The following KIAA1549 variants were observed in gnomAD, a reference collection of about 807,000 sequenced individuals.
KIAA1549 encodes the protein KIAA1549, also known as UPF0606 protein KIAA1549.
In KIAA1549, 70 loss-of-function variants were observed where a neutral mutation model predicts 156.4. The observed-to-expected ratio is 0.45, with a 90% CI of 0.37 to 0.55. The LOEUF (loss-of-function observed/expected upper bound fraction) is 0.55, where lower values mean the gene tolerates loss of function less well. Ranked by LOEUF, KIAA1549 falls within the 20% of genes least tolerant of loss-of-function variation. The pLI, the probability that KIAA1549 is intolerant of heterozygous loss-of-function variation, is 0.00. For missense variants in KIAA1549, 2,428 were observed against 2,540.9 expected (o/e 0.96, Z 0.96); for synonymous variants, 1,103 against 1,066.4 (o/e 1.03, Z -0.67).
At chr7:138,855,643 C>A (rs1253826499) in intron 16 of KIAA1549, among the ~76,000 whole-genome samples, 1 of 152,180 alleles carries the variant, frequency 6.6e-6, no homozygotes, top group Non-Finnish European at 1.5e-5. Context: ...TTCATCAATC[C>A]CAATGCATAT....
In KIAA1549 at chr7:138,949,964, G is replaced by A. The variant is rs986220281; in HGVS notation, c.188-30526C>T. Among the ~76,000 whole-genome samples the A allele has an allele frequency of 6.6e-5, 10 of 152,202 alleles. 1 individual carries two copies. Among genetic ancestry groups the A allele is most frequent in the Non-Finnish European group, 2.9e-5 (2 of 68,040 alleles). The stretch of plus-strand genomic sequence containing the variant: ...TCGGTGCCAAATTTTCAAGAAGATG[G>A]CTGAGGCCACCTTATTTCAGATCTG... On this transcript the variant is annotated intron_variant, in intron 1 of 19. Transcript: ENST00000422774.
chr7:138,949,502 T>A (rs570639526), intron 1 of KIAA1549, among the ~76,000 whole-genome samples: 2 of 152,286 alleles, frequency 1.3e-5, no homozygotes, highest in Non-Finnish European at 2.9e-5. Context: ...CATGCCCAAC[T>A]GTGGAGACCG....
chr7:138,835,497 T>C lies in KIAA1549; in HGVS notation c.*2409A>G, dbSNP rs957493025. On this transcript the variant is annotated 3_prime_UTR_variant, in exon 20 of 20. Coordinates refer to ENST00000422774, the MANE Select transcript of KIAA1549 (RefSeq NM_001164665.2). ...CAGCCCAATTTGAAACAGAACCCTCTTTCTGCAATGCTCAAAGGAGGTTAC... is the reference window on the plus strand; with the variant it reads ...CAGCCCAATTTGAAACAGAACCCTCCTTCTGCAATGCTCAAAGGAGGTTAC... 4.5e-6 allele frequency: 1 copy of C among 221,470 alleles called. No homozygotes were observed. Among genetic ancestry groups the C allele is most frequent in the African/African-American group, 2.2e-5 (1 of 44,654 alleles). 13.7% of individuals were successfully genotyped at this position (221,470 alleles called of 1,614,324 possible).
chr7:138,937,266 C>T (rs891236635), intron 1 of KIAA1549, among the ~76,000 whole-genome samples: 2 of 152,162 alleles, frequency 1.3e-5, no homozygotes, highest in African/African-American at 4.8e-5. Context: ...TCTCTCTTGA[C>T]ACTTAGGTTG....
chr7:138,943,817 C>T (rs1813262840), intron 1 of KIAA1549, among the ~76,000 whole-genome samples: 2 of 151,824 alleles, frequency 1.3e-5, no homozygotes, highest in African/African-American at 2.4e-5. Context: ...CCACTGCACT[C>T]CAGCCTGGGC....
intron 12 of KIAA1549, among the ~76,000 whole-genome samples, chr7:138,877,683 T>C (rs1413796149): frequency 1.3e-5 from 2 of 152,206 alleles, no homozygotes; most frequent in African/African-American, 4.8e-5. Context: ...GAGAAAACTA[T>C]CTTTCTACAA....
At chr7:138,977,158 C>A (rs935695182) in intron 1 of KIAA1549, among the ~76,000 whole-genome samples, 1 of 152,160 alleles carries the variant, frequency 6.6e-6, no homozygotes, top group African/African-American at 2.4e-5. Context: ...AAAACTTCTA[C>A]ATTTCAAAAT....
chr7:138,901,664 T>A (rs148602095), intron 8 of KIAA1549, among the ~76,000 whole-genome samples: 1 of 152,204 alleles, frequency 6.6e-6, no homozygotes, highest in Admixed American at 6.5e-5. Flanking sequence ...AATTTTTTTT[T>A]AAATGACTGC....
At chr7:138,970,578 C>T (rs1343356382) in intron 1 of KIAA1549, among the ~76,000 whole-genome samples, 1 of 152,206 alleles carries the variant, frequency 6.6e-6, no homozygotes, top group East Asian at 1.9e-4. Context: ...CTTTGGTGTG[C>T]ACACAAGTCA....
In KIAA1549 at chr7:138,838,148, C is replaced by G. The variant is rs1002263694; in HGVS notation, c.5611G>C (p.Gly1871Arg). 16 of 1,473,254 alleles carry G rather than the reference C, an allele frequency of 1.1e-5. No homozygotes were observed. Among genetic ancestry groups the G allele is most frequent in the Non-Finnish European group, 6.3e-6 (7 of 1,117,696 alleles). 91.3% of individuals were successfully genotyped at this position (1,473,254 alleles called of 1,614,324 possible). ...AGRREATHML[G>R]HQEYSSSPLF... is the part of the protein sequence containing the mutation. ...GGTGAAGAAGAATACTCTTGATGTC[C>G]GAGCATGTGTGTCTGAAAAACATGG... Residue 1871 changes from glycine to arginine, a missense_variant, in exon 20 of 20, where the codon GGA (glycine) becomes CGA (arginine). Gly to Arg is a moderately radical substitution (Grantham distance 125). Transcript: ENST00000422774.
At chr7:138,903,139 T>C (rs1811889549) in intron 8 of KIAA1549, among the ~76,000 whole-genome samples, 1 of 152,082 alleles carries the variant, frequency 6.6e-6, no homozygotes, top group South Asian at 2.1e-4. Flanking sequence ...GCCGAGAAGA[T>C]GAAATGCTCA....
At position 138,953,630 on chromosome 7, in the gene KIAA1549, G is replaced by A. The variant is rs73730549; in HGVS notation, c.187+27453C>T. On this transcript the variant is annotated intron_variant, in intron 1 of 19. Transcript: ENST00000422774. ...AAGAATACATACTACAAGTAAATAT[G>A]CTGAATTCAAAAGGGAAAGCTATGT... Among the ~76,000 whole-genome samples the A allele has an allele frequency of 6.2e-3, 951 of 152,222 alleles. 7 individuals carry two copies. Among genetic ancestry groups the A allele is most frequent in the African/African-American group, 0.022 (916 of 41,522 alleles).
intron 1 of KIAA1549, among the ~76,000 whole-genome samples, chr7:138,978,341 A>G (rs1191726386): frequency 2.0e-5 from 3 of 152,216 alleles, no homozygotes; most frequent in Non-Finnish European, 4.4e-5. Context: ...TTATCTCTGA[A>G]TAAGGTGAAG....
intron 1 of KIAA1549, among the ~76,000 whole-genome samples, chr7:138,966,258 T>C (rs529127800): frequency 6.6e-6 from 1 of 152,086 alleles, no homozygotes; most frequent in East Asian, 1.9e-4. Flanking sequence ...CCACGGTCCT[T>C]ATGAAAAGAG....
intron 16 of KIAA1549, among the ~76,000 whole-genome samples, chr7:138,854,139 T>C (rs180755797): frequency 6.6e-6 from 1 of 152,218 alleles, no homozygotes; most frequent in African/African-American, 2.4e-5. Context: ...CATAAAAGTT[T>C]GGGAAACAAA....
chr7:138,872,129 T>C (rs997754871), intron 12 of KIAA1549, among the ~76,000 whole-genome samples: 2 of 152,136 alleles, frequency 1.3e-5, no homozygotes, highest in Non-Finnish European at 1.5e-5. Flanking sequence ...ATACTTTTAG[T>C]AGAGACAAGG....
chr7:138,845,483 C>G (rs1810048116), intron 17 of KIAA1549, among the ~76,000 whole-genome samples: 1 of 152,146 alleles, frequency 6.6e-6, no homozygotes, highest in Non-Finnish European at 1.5e-5. Flanking sequence ...GGTAGTTCCT[C>G]AGGGGTCAGT....
At chr7:138,978,698 G>A (rs2130583737) in intron 1 of KIAA1549, among the ~76,000 whole-genome samples, 1 of 152,274 alleles carries the variant, frequency 6.6e-6, no homozygotes, top group South Asian at 2.1e-4. Context: ...GTCCAAAACA[G>A]GTCTAAGCCA....
intron 1 of KIAA1549, among the ~76,000 whole-genome samples, chr7:138,948,237 A>G (rs1244480864): frequency 6.6e-6 from 1 of 152,206 alleles, no homozygotes; most frequent in Non-Finnish European, 1.5e-5. Context: ...GCCATAATCC[A>G]ACATGGCCAG....
Sources: allele counts gnomAD v4.1 joint callset (sites outside exome capture counted in the v4.1 genomes callset), GRCh38; gene constraint gnomAD v4.1.1; transcripts MANE v1.5; gene names NCBI Gene and HGNC (gene_info 2026-07-23, HGNC 2026-07-21).